The following ERFL variants were observed in gnomAD, a reference collection of about 807,000 sequenced individuals.
The protein encoded by ERFL is ETS repressor factor like.
ERFL carries 8 observed loss-of-function variants against 27.9 expected under a neutral mutation model. The observed-to-expected ratio is 0.29, with a 90% confidence interval of 0.17 to 0.52. The LOEUF (loss-of-function observed/expected upper bound fraction) is 0.52, where lower values mean the gene tolerates loss of function less well. ERFL is among the 20% of genes least tolerant of loss of function. The probability of loss-of-function intolerance (pLI) is 0.97; values close to 1 mark genes in which losing one functional copy is unlikely to be tolerated. For missense variants in ERFL, 294 were observed against 444.4 expected, an observed-to-expected ratio of 0.66 and a Z score of 3.04; for synonymous variants, 174 against 202.8, an observed-to-expected ratio of 0.86 and a Z score of 1.21.
Position 41,913,497 on chromosome 19 carries a change from G to A in ERFL, c.-13-565C>T, listed in dbSNP as rs1555851456. On this transcript the variant is annotated intron_variant, in intron 1 of 5. Coordinates refer to ENST00000597630, the MANE Select transcript of ERFL (RefSeq NM_001365103.2). The stretch of plus-strand genomic sequence containing the variant: ...CCAGGCGCAGCCCTGACCCGCAGCC[G>A]CCCAGGACGGGCTGCAGGGGGGCAG... Among the ~76,000 whole-genome samples, 3 of 147,702 alleles carry A rather than the reference G, an allele frequency of 2.0e-5. 1 individual carries two copies. Among genetic ancestry groups the A allele is most frequent in the South Asian group, 4.4e-4 (2 of 4,580 alleles).
intron 1 of ERFL, among the ~76,000 whole-genome samples, chr19:41,925,103 C>T (rs1555853120): frequency 6.6e-6 from 1 of 152,072 alleles, no homozygotes; most frequent in Non-Finnish European, 1.5e-5. Context: ...GAGGTGACCC[C>T]TAGACCCAGC....
At chr19:41,913,220 C>A (rs894529031) in intron 1 of ERFL, among the ~76,000 whole-genome samples, 1 of 151,766 alleles carries the variant, frequency 6.6e-6, no homozygotes, top group South Asian at 2.1e-4. Context: ...TCCCTCCCCG[C>A]TCCCCGCCAC....
At position 41,910,894 on chromosome 19, in the gene ERFL, G is replaced by A. The variant is rs879964572; in HGVS notation, c.68-797C>T. On this transcript the variant is annotated intron_variant, in intron 2 of 5. Transcript: ENST00000597630. This position sits in a 1 kb window ranked among gnomAD's most constrained non-coding sequence, Gnocchi z 4.4. The stretch of plus-strand genomic sequence containing the variant: ...CAGGCTGCGCAAGACTCAAGGTCAC[G>A]TCATCTCAACAACCCCACAGTGCAC... Among the ~76,000 whole-genome samples the A allele has an allele frequency of 2.0e-5, 3 of 151,860 alleles. No homozygotes were observed. The highest frequency in any genetic ancestry group is 7.3e-5 in the African/African-American group (3 of 41,358).
chr19:41,921,103 G>A lies in ERFL; in HGVS notation c.-14+6937C>T, dbSNP rs1555852450. Among the ~76,000 whole-genome samples the A allele has an allele frequency of 6.6e-6, 1 of 152,154 alleles. No individual in the cohort carries two copies. The highest frequency in any genetic ancestry group is 2.4e-5 in the African/African-American group (1 of 41,432). ...TGGGAGCCGCAGTGCCACGCACCCC[G>A]CCTACCAAACAGCTCTGGGGGAGGG... On this transcript the variant is annotated intron_variant, in intron 1 of 5. Transcript: ENST00000597630. This position sits in a 1 kb window ranked among gnomAD's most constrained non-coding sequence, Gnocchi z 4.4.
chr19:41,910,205 A>G lies in ERFL; in HGVS notation c.68-108T>C. 2 of 1,056,132 alleles carry G rather than the reference A, an allele frequency of 1.9e-6. No homozygotes were observed. Among genetic ancestry groups the G allele is most frequent in the Non-Finnish European group, 2.7e-6 (2 of 736,708 alleles). 65.4% of individuals were successfully genotyped at this position (1,056,132 alleles called of 1,614,324 possible). A position where few individuals can be genotyped will look rare whatever the true frequency, so the allele number is the denominator to read the frequency against. On this transcript the variant is annotated intron_variant, in intron 2 of 5. Transcript: ENST00000597630. The surrounding 1 kb of genome is among the most constrained non-coding windows in gnomAD (Gnocchi z 4.4). ...AGGCATGTAGTTCTCCTCCAGTCTC[A>G]GGCATCTTTAGGGACCTGGTTTCCA...
In ERFL at chr19:41,917,113, C is replaced by T. The variant is rs1344593985; in HGVS notation, c.-13-4181G>A. Among the ~76,000 whole-genome samples the T allele has an allele frequency of 2.6e-5, 4 of 152,160 alleles. No individual in the cohort carries two copies. Among genetic ancestry groups the T allele is most frequent in the Non-Finnish European group, 5.9e-5 (4 of 68,030 alleles). ...GTCTCTCGGTCTCTCTCAGCCCCTTCGGGTGTCGGCGCATCTTTCTGTCTG... is the reference window on the plus strand; with the variant it reads ...GTCTCTCGGTCTCTCTCAGCCCCTTTGGGTGTCGGCGCATCTTTCTGTCTG... On this transcript the variant is annotated intron_variant, in intron 1 of 5. Transcript: ENST00000597630. This position sits in a 1 kb window ranked among gnomAD's most constrained non-coding sequence, Gnocchi z 4.8.
In ERFL at chr19:41,909,830, C is replaced by A. The variant is rs1301079404; in HGVS notation, c.302+33G>T. On this transcript the variant is annotated intron_variant, in intron 3 of 5. Coordinates refer to ENST00000597630, the MANE Select transcript of ERFL (RefSeq NM_001365103.2). This position sits in a 1 kb window ranked among gnomAD's most constrained non-coding sequence, Gnocchi z 5.2. ...CAGAGGGACAGTTGGGGGAAAAGGA[C>A]AAGGTGGGATCCAGCCCCAAGCCCT... 3.8e-6 allele frequency: 6 copies of A among 1,560,110 alleles called. No individual in the cohort carries two copies. In the Admixed American group the frequency reaches 1.1e-4, roughly 29 times the overall value.
In ERFL at chr19:41,916,931, C is replaced by A. The variant is rs147202279; in HGVS notation, c.-13-3999G>T. Among the ~76,000 whole-genome samples the A allele has an allele frequency of 6.3e-4, 96 of 152,306 alleles. No homozygotes were observed. The highest frequency in any genetic ancestry group is 2.7e-3 in the South Asian group (13 of 4,826). Reference sequence around the variant, plus strand: ...CAGAGATGACCCCAACCCAAGGCCCCTGCCACTCCTGCTCCCACCATCCCC... The same window carrying A: ...CAGAGATGACCCCAACCCAAGGCCCATGCCACTCCTGCTCCCACCATCCCC... On this transcript the variant is annotated intron_variant, in intron 1 of 5. Coordinates refer to ENST00000597630, the MANE Select transcript of ERFL (RefSeq NM_001365103.2). This position sits in a 1 kb window ranked among gnomAD's most constrained non-coding sequence, Gnocchi z 5.4.
In ERFL at chr19:41,916,812, ACAC is replaced by A. The variant is rs2074804428; in HGVS notation, c.-13-3883_-13-3881del. Among the ~76,000 whole-genome samples, 2 of 151,678 alleles carry A rather than the reference ACAC, an allele frequency of 1.3e-5. No individual in the cohort carries two copies. Among genetic ancestry groups the A allele is most frequent in the South Asian group, 4.2e-4 (2 of 4,796 alleles). On this transcript the variant is annotated intron_variant, in intron 1 of 5. Coordinates refer to ENST00000597630, the MANE Select transcript of ERFL (RefSeq NM_001365103.2). This position sits in a 1 kb window ranked among gnomAD's most constrained non-coding sequence, Gnocchi z 5.4. ...CAGACACAGTCACAATCACACACACACACCAAGATCACGGACCCAAACATACGA... is the reference window on the plus strand; with the variant it reads ...CAGACACAGTCACAATCACACACACACAAGATCACGGACCCAAACATACGA...
intron 1 of ERFL, among the ~76,000 whole-genome samples, chr19:41,927,567 G>A (rs886261577): frequency 4.6e-4 from 69 of 151,638 alleles, no homozygotes; most frequent in Non-Finnish European, 8.8e-5. Flanking sequence ...TAGATCTTCC[G>A]CCCCAAGTGT....
At position 41,909,506 on chromosome 19, in the gene ERFL, G is replaced by A; in HGVS notation, c.303-35C>T. The A allele has an allele frequency of 8.0e-7, 1 of 1,250,108 alleles. No homozygotes were observed. The highest frequency in any genetic ancestry group is 1.0e-6 in the Non-Finnish European group (1 of 996,100). 77.4% of individuals were successfully genotyped at this position (1,250,108 alleles called of 1,614,324 possible). On this transcript the variant is annotated intron_variant, in intron 3 of 5. Transcript: ENST00000597630. The surrounding 1 kb of genome is among the most constrained non-coding windows in gnomAD (Gnocchi z 5.2). ...GAGTGGTGGTGTTGGGGAGGTGCAG[G>A]GGGAGCCCTGGGGCGGGATCTGGGG...
intron 1 of ERFL, among the ~76,000 whole-genome samples, chr19:41,925,623 A>T (rs1337730594): frequency 6.6e-6 from 1 of 152,030 alleles, no homozygotes; most frequent in East Asian, 1.9e-4. Context: ...TGGATTGGTG[A>T]TCAGGTGGTG....
chr19:41,915,240 TG>T, intron 1 of ERFL, among the ~76,000 whole-genome samples: 1 of 148,056 alleles, frequency 6.8e-6, no homozygotes, highest in Admixed American at 6.8e-5. Flanking sequence ...CGAGGAGCCG[TG>T]GGATCGGCGC....
Position 41,910,576 on chromosome 19 carries a change from C to A in ERFL, c.68-479G>T, listed in dbSNP as rs181744582. Among the ~76,000 whole-genome samples, 3 of 151,876 alleles carry A rather than the reference C, an allele frequency of 2.0e-5. No homozygotes were observed. The East Asian group carries it at 5.8e-4, about 29-fold the overall frequency. ...CTCCACCTTTCGACATTCCCCAGAG[C>A]CCCCCACTGACCCATCCTGGCATAT... On this transcript the variant is annotated intron_variant, in intron 2 of 5. Coordinates refer to ENST00000597630, the MANE Select transcript of ERFL (RefSeq NM_001365103.2). The surrounding 1 kb of genome is among the most constrained non-coding windows in gnomAD (Gnocchi z 4.4).
intron 1 of ERFL, among the ~76,000 whole-genome samples, chr19:41,919,473 G>T (rs915975942): frequency 6.6e-6 from 1 of 151,600 alleles, no homozygotes; most frequent in African/African-American, 2.4e-5. Context: ...GGTACATTCA[G>T]CTCCTACAAA....
At chr19:41,923,003 C>A in intron 1 of ERFL, 1 of 378,022 alleles carries the variant, frequency 2.6e-6, no homozygotes, top group Non-Finnish European at 5.3e-6. Context: ...ATGTGAGGGG[C>A]AGCCTAGGGA....
In ERFL at chr19:41,909,186, G is replaced by A. The variant is rs1456979444; in HGVS notation, c.499-9C>T. ...AACAGGGTTTGCAGGGTCTAGAGAGGGAGTGGGAGAAGCCGCCCTTCTCAG... is the reference window on the plus strand; with the variant it reads ...AACAGGGTTTGCAGGGTCTAGAGAGAGAGTGGGAGAAGCCGCCCTTCTCAG... On this transcript the variant is annotated splice_polypyrimidine_tract_variant and intron_variant, in intron 4 of 5. Coordinates refer to ENST00000597630, the MANE Select transcript of ERFL (RefSeq NM_001365103.2). The surrounding 1 kb of genome is among the most constrained non-coding windows in gnomAD (Gnocchi z 5.2). The A allele has an allele frequency of 4.9e-6, 6 of 1,231,760 alleles. No homozygotes were observed. Among genetic ancestry groups the A allele is most frequent in the South Asian group, 4.1e-5 (1 of 24,326 alleles). The allele number at this position is 1,231,760 out of a possible 1,614,324, so 76.3% of individuals were successfully genotyped here.
chr19:41,908,559 G>T lies in ERFL; in HGVS notation c.734C>A (p.Ser245Tyr). Residue 245 changes from serine to tyrosine, a missense_variant, in exon 6 of 6, where the codon TCT becomes TAT. Coordinates refer to ENST00000597630, the MANE Select transcript of ERFL (RefSeq NM_001365103.2). The surrounding 1 kb of genome is among the most constrained non-coding windows in gnomAD (Gnocchi z 6.7). ...LTGPFPKLPP[S>Y]LYPPHFYPNP... ...GGGGTAGAAATGCGGGGGGTAGAGA[G>T]AGGGAGGCAGCTTGGGGAAGGGGCC... 8.1e-7 allele frequency: 1 copy of T among 1,231,866 alleles called. No individual in the cohort carries two copies. The highest frequency in any genetic ancestry group is 1.0e-6 in the Non-Finnish European group (1 of 988,088). The allele number at this position is 1,231,866 out of a possible 1,614,324, so 76.3% of individuals were successfully genotyped here.
At position 41,928,065 on chromosome 19, in the gene ERFL, G is replaced by A. The variant is rs919940420; in HGVS notation, c.-39C>T. 1 of 152,154 alleles carries A rather than the reference G, an allele frequency of 6.6e-6. No individual in the cohort carries two copies. Among genetic ancestry groups the A allele is most frequent in the Non-Finnish European group, 1.5e-5 (1 of 68,024 alleles). 9.4% of individuals were successfully genotyped at this position (152,154 alleles called of 1,614,324 possible). A position where few individuals can be genotyped will look rare whatever the true frequency, so the allele number is the denominator to read the frequency against. On this transcript the variant is annotated 5_prime_UTR_variant, in exon 1 of 6. Coordinates refer to ENST00000597630, the MANE Select transcript of ERFL (RefSeq NM_001365103.2). ...TTTCTGGGCTTTTCGCATCCGCTCC[G>A]GTCCGGGGAGAAGTGTTTAAAGTTC...
Sources: gnomAD v4.1 joint callset for allele counts (sites outside exome capture counted in the v4.1 genomes callset) on GRCh38, gnomAD v4.1.1 for gene constraint, Gnocchi (gnomAD v3.1) non-coding constraint, MANE v1.5 for transcripts, NCBI Gene and HGNC (gene_info 2026-07-23, HGNC 2026-07-21) for gene names.